TRPM1: variants seen among roughly 807,000 people sequenced by gnomAD.
The protein encoded by TRPM1 is TRPM1-203 APA Isoform, Intron 10.
Under a neutral mutation model 149.4 loss-of-function variants are expected in TRPM1, and 113 were observed. That is an observed-to-expected ratio of 0.76 (90% confidence interval 0.65 to 0.88). The LOEUF (loss-of-function observed/expected upper bound fraction) is 0.88. TRPM1 is among the 40% of genes least tolerant of loss of function. The pLI, the probability that TRPM1 is intolerant of heterozygous loss-of-function variation, is 0.00. For synonymous variants in TRPM1, 741 were observed against 759.5 expected (o/e 0.98, Z 0.40); for missense variants, 1,976 against 2,038.7 (o/e 0.97, Z 0.59).
chr15:31,035,434 C>T, intron 21 of TRPM1, 112 bp downstream of exon 21: 3 of 1,484,064 alleles, frequency 2.0e-6, no homozygotes, highest in Non-Finnish European at 9.4e-7. Context: ...GCATGAGCCA[C>T]CACGCCTGGC....
chr15:31,139,815 C>CA (rs2141050959), intron 1 of TRPM1, among the ~76,000 whole-genome samples: 1 of 152,176 alleles, frequency 6.6e-6, no homozygotes, highest in African/African-American at 2.4e-5. Flanking sequence ...GTGTAACCAG[C>CA]AATGTAAGCA....
upstream of TRPM1, among the ~76,000 whole-genome samples, chr15:31,105,472 T>TGTGC (rs1555429788): frequency 1.7e-3 from 142 of 83,812 alleles, no homozygotes; most frequent in East Asian, 9.6e-3. Context: ...TGTGTGTGTG[T>TGTGC]GCGCGCGCGC....
At chr15:31,012,647 C>T (rs777650799) in intron 27 of TRPM1, among the ~76,000 whole-genome samples, 2 of 152,036 alleles carry the variant, frequency 1.3e-5, no homozygotes, top group Non-Finnish European at 2.9e-5. Flanking sequence ...TATGTAGATT[C>T]GTATCTTTCA....
chr15:31,059,263 T>C (rs530794605), intron 11 of TRPM1, among the ~76,000 whole-genome samples: 1 of 152,216 alleles, frequency 6.6e-6, no homozygotes, highest in Non-Finnish European at 1.5e-5. Context: ...GGAAGCAACT[T>C]CCAGGAGACC....
chr15:31,124,820 GTGAAACTATTCTGTA>G (rs1392927021), intron 1 of TRPM1, among the ~76,000 whole-genome samples: 1 of 152,262 alleles, frequency 6.6e-6, no homozygotes, highest in East Asian at 1.9e-4. Flanking sequence ...TTTTAGGGCA[GTGAAACTATTCTGTA>G]TGATATGGTA....
At chr15:31,016,435 A>G (rs2032356397) in intron 27 of TRPM1, among the ~76,000 whole-genome samples, 1 of 152,172 alleles carries the variant, frequency 6.6e-6, no homozygotes, top group Non-Finnish European at 1.5e-5. Context: ...GGCTTCTGTA[A>G]CTATTTCTGG....
chr15:31,126,364 C>T (rs533880255), intron 1 of TRPM1, among the ~76,000 whole-genome samples: 21 of 152,284 alleles, frequency 1.4e-4, no homozygotes, highest in African/African-American at 5.1e-4. Context: ...GAAGCCACTG[C>T]GAAACTCCCG....
At chr15:31,112,059 GGCT>G (rs1415001662) in intron 1 of TRPM1, among the ~76,000 whole-genome samples, 2 of 152,242 alleles carry the variant, frequency 1.3e-5, no homozygotes, top group Non-Finnish European at 2.9e-5. Flanking sequence ...GCCAAGGCAA[GGCT>G]GCTAACAGAA....
intron 11 of TRPM1, among the ~76,000 whole-genome samples, chr15:31,056,753 C>T (rs151245828): frequency 4.0e-4 from 61 of 152,276 alleles, no homozygotes; most frequent in African/African-American, 1.0e-3. Flanking sequence ...AGCCCTCTCT[C>T]GCTGTCTCTC....
At chr15:31,058,635 G>T (rs1176677543) in intron 11 of TRPM1, among the ~76,000 whole-genome samples, 2 of 152,258 alleles carry the variant, frequency 1.3e-5, no homozygotes, top group East Asian at 3.8e-4. Flanking sequence ...CCTTGTAAAA[G>T]TGGGGCTGAT....
chr15:31,097,318 AG>A (rs1289501356), intron 1 of TRPM1, among the ~76,000 whole-genome samples: 1 of 142,274 alleles, frequency 7.0e-6, no homozygotes, highest in Non-Finnish European at 1.5e-5. Flanking sequence ...GGAACTATGG[AG>A]GGTATCCAGC....
At chr15:31,074,952 T>G (rs1008099409) in intron 3 of TRPM1, among the ~76,000 whole-genome samples, 2 of 152,212 alleles carry the variant, frequency 1.3e-5, no homozygotes, top group African/African-American at 4.8e-5. Context: ...TGGTAGTGTA[T>G]TAATTTTCAC....
chr15:31,087,448 G>T lies in TRPM1; in HGVS notation c.-83-6010C>A, dbSNP rs374216121. Among the ~76,000 whole-genome samples, 123 of 151,716 alleles carry T rather than the reference G, an allele frequency of 8.1e-4. 1 individual carries two copies. In the South Asian group the frequency reaches 0.025, roughly 31 times the overall value. On this transcript the variant is annotated intron_variant, in intron 1 of 27. Transcript: ENST00000256552. ...TTTGTGTATTTTTAGTAGAGACGGG[G>T]TTTCACCATGTTAGCCAGGATGGTC...
chr15:31,118,502 A>C (rs1176975656), intron 1 of TRPM1, among the ~76,000 whole-genome samples: 1 of 152,114 alleles, frequency 6.6e-6, no homozygotes, highest in Non-Finnish European at 1.5e-5. Flanking sequence ...GACAAAGAGA[A>C]AATTTCGGAA....
intron 20 of TRPM1, among the ~76,000 whole-genome samples, chr15:31,037,039 C>T (rs1035549200): frequency 6.6e-6 from 1 of 152,378 alleles, no homozygotes; most frequent in Middle Eastern, 3.4e-3. Context: ...TCCCGACTGA[C>T]GTGGTTGCAC....
chr15:31,096,347 T>A (rs1033545442), intron 1 of TRPM1, among the ~76,000 whole-genome samples: 3 of 152,156 alleles, frequency 2.0e-5, no homozygotes, highest in Admixed American at 6.5e-5. Context: ...TATTTAGCAA[T>A]AAAACATCTT....
upstream of TRPM1, among the ~76,000 whole-genome samples, chr15:31,101,997 G>T (rs2035526978): frequency 6.6e-6 from 1 of 152,232 alleles, no homozygotes; most frequent in South Asian, 2.1e-4. Flanking sequence ...CCCTTCCCTG[G>T]CTGGAAATGT....
At chr15:31,054,616 T>C (rs951167241) in intron 11 of TRPM1, among the ~76,000 whole-genome samples, 2 of 152,192 alleles carry the variant, frequency 1.3e-5, no homozygotes, top group African/African-American at 4.8e-5. Context: ...TTTAAAAGCA[T>C]GTTTTAAGAA....
chr15:31,116,452 A>G (rs1252262282), intron 1 of TRPM1, among the ~76,000 whole-genome samples: 1 of 152,116 alleles, frequency 6.6e-6, no homozygotes, highest in Non-Finnish European at 1.5e-5. Context: ...TACTAAAAAT[A>G]CAAGAATTAG....
Sources: gnomAD v4.1 joint callset for allele counts (sites outside exome capture counted in the v4.1 genomes callset) on GRCh38, gnomAD v4.1.1 for gene constraint, MANE v1.5 for transcripts, NCBI Gene and HGNC (gene_info 2026-07-23, HGNC 2026-07-21) for gene names.